PCDHA6: variants seen among roughly 807,000 people sequenced by gnomAD.
PCDHA6 encodes the protein protocadherin alpha-6.
A neutral mutation model predicts 60.3 loss-of-function variants in PCDHA6; 55 were observed. The ratio of observed to expected loss-of-function variants is 0.91; its 90% CI spans 0.73 to 1.14. PCDHA6 has a LOEUF of 1.14. Among genes scored for constraint, PCDHA6 ranks in the 50% most tolerant of loss-of-function variants. The probability of loss-of-function intolerance (pLI) is 0.00; values close to 1 mark genes in which losing one functional copy is unlikely to be tolerated. For missense variants in PCDHA6, 1,327 were observed against 1,256.5 expected, an observed-to-expected ratio of 1.06 and a Z score of -0.85; for synonymous variants, 652 against 557.9, an observed-to-expected ratio of 1.17 and a Z score of -2.38.
chr5:140,872,452 T>G (rs1459875737), intron 1 of PCDHA6, among the ~76,000 whole-genome samples: 1 of 151,968 alleles, frequency 6.6e-6, no homozygotes, highest in East Asian at 1.9e-4. Context: ...CATAGCGAGA[T>G]CCTGTCTCTA....
chr5:140,882,197 G>T, intron 1 of PCDHA6: 2 of 1,521,690 alleles, frequency 1.3e-6, no homozygotes, highest in Non-Finnish European at 1.8e-6. Flanking sequence ...CATAAAAATT[G>T]GGCCTTGAGA....
intron 1 of PCDHA6, chr5:140,836,878 A>G: frequency 1.5e-6 from 1 of 681,278 alleles, no homozygotes; most frequent in Non-Finnish European, 2.4e-6. Context: ...CTGTATTTGC[A>G]CTAATTATTT....
chr5:140,871,211 T>C (rs781784103), intron 1 of PCDHA6: 2 of 1,613,842 alleles, frequency 1.2e-6, no homozygotes, highest in Non-Finnish European at 1.7e-6. Context: ...ATCATCGCCA[T>C]CTGCGTGGTG....
In PCDHA6 at chr5:140,848,617, A is replaced by G; in HGVS notation, c.2394+18132A>G. The G allele has an allele frequency of 4.4e-6, 7 of 1,593,554 alleles. 2 individuals carry two copies. Among genetic ancestry groups the G allele is most frequent in the Non-Finnish European group, 6.0e-6 (7 of 1,163,964 alleles). On this transcript the variant is annotated intron_variant, in intron 1 of 3. Coordinates refer to ENST00000529310, the MANE Select transcript of PCDHA6 (RefSeq NM_018909.4). Reference sequence around the variant, plus strand: ...TACTCCGTCCCGGAGGAAGCCGAACACGGCACCTTCGTGGGCCGCATCGCG... The same window carrying G: ...TACTCCGTCCCGGAGGAAGCCGAACGCGGCACCTTCGTGGGCCGCATCGCG...
chr5:140,886,730 G>A (rs2061105749), intron 1 of PCDHA6, among the ~76,000 whole-genome samples: 1 of 150,962 alleles, frequency 6.6e-6, no homozygotes, highest in Non-Finnish European at 1.5e-5. Flanking sequence ...GGAGGCTGAA[G>A]CAAGAGAATT....
chr5:140,976,679 G>A (rs1314378983), intron 1 of PCDHA6, among the ~76,000 whole-genome samples: 2 of 152,086 alleles, frequency 1.3e-5, no homozygotes, highest in African/African-American at 4.8e-5. Flanking sequence ...TCTCATTTTT[G>A]CAATTTAAGT....
chr5:140,833,598 C>T (rs1772539166), intron 1 of PCDHA6, among the ~76,000 whole-genome samples: 1 of 152,154 alleles, frequency 6.6e-6, no homozygotes, highest in African/African-American at 2.4e-5. Context: ...TATATAGATT[C>T]TGCTAAAGCA....
chr5:140,849,097 A>G, intron 1 of PCDHA6: 2 of 1,481,690 alleles, frequency 1.3e-6, no homozygotes, highest in Non-Finnish European at 9.2e-7. Context: ...AAACTTTTAG[A>G]CAGAGAAGAA....
In PCDHA6 at chr5:140,855,370, A is replaced by C. The variant is rs1007316942; in HGVS notation, c.2394+24885A>C. Among the ~76,000 whole-genome samples the C allele has an allele frequency of 2.7e-5, 4 of 150,058 alleles. 1 individual carries two copies. Among genetic ancestry groups the C allele is most frequent in the Non-Finnish European group, 6.0e-5 (4 of 67,120 alleles). On this transcript the variant is annotated intron_variant, in intron 1 of 3. Transcript: ENST00000529310. ...AGTCATGTGGCTAGTGAGTAGGATA[A>C]TAGGAATCTAAATGGAGAAATGTCT...
chr5:140,853,510 A>C (rs2042773943), intron 1 of PCDHA6: 2 of 977,306 alleles, frequency 2.0e-6, no homozygotes, highest in African/African-American at 1.8e-5. Context: ...TGAAACAATA[A>C]TGAAGCTCCT....
At chr5:140,877,155 C>T in intron 1 of PCDHA6, 2 of 1,613,798 alleles carry the variant, frequency 1.2e-6, no homozygotes, top group Non-Finnish European at 1.7e-6. Context: ...AGAACGACAA[C>T]GCGCCGGCAC....
chr5:140,841,755 C>G, intron 1 of PCDHA6: 1 of 1,613,886 alleles, frequency 6.2e-7, no homozygotes, highest in African/African-American at 1.3e-5. Context: ...GTTTCAGAAT[C>G]CAGAATGCCA....
At chr5:140,831,040 T>C (rs1208803286) in intron 1 of PCDHA6, 1 of 152,248 alleles carries the variant, frequency 6.6e-6, no homozygotes, top group East Asian at 1.9e-4. Context: ...CGGGAGGCAA[T>C]AGTGTTCATT....
rs2150499938 is a variant in PCDHA6 at position 140,850,836 on chromosome 5, G to A, written c.2394+20351G>A. ...CAGCCCGGGCCTTTCTCCTTGTGCT[G>A]GATCTACAGAGCGAACGGGAGAACC... is the stretch of plus-strand genomic sequence containing the variant. On this transcript the variant is annotated intron_variant, in intron 1 of 3. Coordinates refer to ENST00000529310, the MANE Select transcript of PCDHA6 (RefSeq NM_018909.4). The A allele has an allele frequency of 1.2e-5, 19 of 1,597,640 alleles. 1 individual carries two copies. Among genetic ancestry groups the A allele is most frequent in the South Asian group, 3.3e-5 (3 of 90,540 alleles).
intron 1 of PCDHA6, chr5:140,928,060 T>C: frequency 6.2e-7 from 1 of 1,614,204 alleles, no homozygotes; most frequent in Non-Finnish European, 8.5e-7. Flanking sequence ...GCTGACGGCT[T>C]CCTTTGACAA....
chr5:141,004,414 C>A (rs2153980954), intron 3 of PCDHA6, among the ~76,000 whole-genome samples: 1 of 152,330 alleles, frequency 6.6e-6, no homozygotes, highest in Non-Finnish European at 1.5e-5. Context: ...CTGACTAGAT[C>A]TCTGCCTCCT....
intron 1 of PCDHA6, chr5:140,967,979 G>A (rs1405177525): frequency 1.2e-6 from 2 of 1,614,100 alleles, no homozygotes; most frequent in African/African-American, 1.3e-5. Flanking sequence ...CCTGGGTCTG[G>A]AGGCCACACT....
In PCDHA6 at chr5:140,887,347, C is replaced by T. The variant is rs568939189; in HGVS notation, c.2394+56862C>T. Among the ~76,000 whole-genome samples the T allele has an allele frequency of 4.6e-5, 7 of 152,202 alleles. No homozygotes were observed. In the South Asian group the frequency reaches 6.2e-4, roughly 14 times the overall value. On this transcript the variant is annotated intron_variant, in intron 1 of 3. Coordinates refer to ENST00000529310, the MANE Select transcript of PCDHA6 (RefSeq NM_018909.4). ...TCCTGACCTCGTGATCCACCTGGCT[C>T]GGCCTCCCAAAGTGCTGGGATTACA...
Position 140,829,503 on chromosome 5 carries a change from G to C in PCDHA6, c.1412G>C (p.Gly471Ala), listed in dbSNP as rs2150169106. The change falls in exon 1 of 4, where the codon GGC becomes GCC. Residue 471 changes from glycine to alanine, a missense_variant. Physicochemically the swap from Gly to Ala is moderately conservative, Grantham distance 60. Coordinates refer to ENST00000529310, the MANE Select transcript of PCDHA6 (RefSeq NM_018909.4). Reference sequence around the variant, plus strand: ...TTCGTGAAGGAGAACAACCCGCCGGGCTGCCACATCTTCACGGTGTCTGCG... The same window carrying C: ...TTCGTGAAGGAGAACAACCCGCCGGCCTGCCACATCTTCACGGTGTCTGCG... ...TVFVKENNPP[G>A]CHIFTVSARD... 2.5e-6 allele frequency: 4 copies of C among 1,613,554 alleles called. No individual in the cohort carries two copies. Among genetic ancestry groups the C allele is most frequent in the Non-Finnish European group, 2.5e-6 (3 of 1,179,956 alleles).
Sources: gnomAD v4.1 joint callset for allele counts (sites outside exome capture counted in the v4.1 genomes callset) on GRCh38, gnomAD v4.1.1 for gene constraint, MANE v1.5 for transcripts, NCBI Gene and HGNC (gene_info 2026-07-23, HGNC 2026-07-21) for gene names.